RAB38: variants seen among roughly 807,000 people sequenced by gnomAD.
RAB38 encodes ras-related protein Rab-38.
Under a neutral mutation model 18.4 loss-of-function variants are expected in RAB38, and 15 were observed. The ratio of observed to expected loss-of-function variants is 0.82; its 90% CI spans 0.55 to 1.26. The LOEUF (loss-of-function observed/expected upper bound fraction) is 1.26. Ranked by LOEUF, RAB38 falls within the 50% of genes most tolerant of loss-of-function variation. The pLI is 0.00. For synonymous variants in RAB38, 101 were observed against 104.4 expected, an observed-to-expected ratio of 0.97 and a Z score of 0.20; for missense variants, 294 against 267.4, an observed-to-expected ratio of 1.10 and a Z score of -0.69.
At chr11:88,092,032 G>T in the RAB38 span, among the ~76,000 whole-genome samples, 1 of 151,800 alleles carries the variant, frequency 6.6e-6, no homozygotes, top group South Asian at 2.1e-4. Context: ...CCAAGTCATT[G>T]TCATGACATT....
At chr11:88,115,729 G>C (rs1942541977) in intron 2 of RAB38, 1 of 152,136 alleles carries the variant, frequency 6.6e-6, no homozygotes, top group Admixed American at 6.6e-5. Flanking sequence ...GCTATAAAAT[G>C]GTCTTGATGA....
At chr11:88,135,802 A>G (rs1942828763) in intron 2 of RAB38, among the ~76,000 whole-genome samples, 1 of 152,230 alleles carries the variant, frequency 6.6e-6, no homozygotes, top group South Asian at 2.1e-4. Flanking sequence ...TTACAACATA[A>G]TGTTTCAGAA....
At chr11:87,820,251 G>A in the RAB38 span, among the ~76,000 whole-genome samples, 1,210 of 152,290 alleles carry the variant, frequency 7.9e-3, 25 homozygotes, top group African/African-American at 0.027. Context: ...CAAGCCTGAT[G>A]TCTGCCAAAG....
Position 88,115,124 on chromosome 11 carries a change from T to C in RAB38, c.484-984A>G, listed in dbSNP as rs142495213. 7.8e-3 allele frequency among the ~76,000 whole-genome samples: 1,191 copies of C among 152,288 alleles called. 10 individuals carry two copies. The highest frequency in any genetic ancestry group is 0.018 in the South Asian group (88 of 4,828). ...TCAGAAACCTAAGACATATAGAAAA[T>C]ATACTACCAGTGTACTAAAATAAAT... On this transcript the variant is annotated intron_variant, in intron 2 of 2. Transcript: ENST00000243662.
chr11:87,855,017 G>A, the RAB38 span, among the ~76,000 whole-genome samples: 1 of 151,986 alleles, frequency 6.6e-6, no homozygotes, highest in African/African-American at 2.4e-5. Flanking sequence ...GGATGGTCTC[G>A]ATCTCCTGAC....
At chr11:88,127,936 G>A (rs1171098016) in intron 2 of RAB38, among the ~76,000 whole-genome samples, 2 of 152,218 alleles carry the variant, frequency 1.3e-5, no homozygotes, top group Admixed American at 6.5e-5. Flanking sequence ...CATTTGGAGT[G>A]TCTATCTTGA....
chr11:88,026,928 T>A, the RAB38 span, among the ~76,000 whole-genome samples: 1 of 152,306 alleles, frequency 6.6e-6, no homozygotes, highest in South Asian at 2.1e-4. Context: ...TGAGACATTT[T>A]ACATAATTGG....
chr11:87,964,689 G>C, the RAB38 span, among the ~76,000 whole-genome samples: 2 of 151,876 alleles, frequency 1.3e-5, no homozygotes. Flanking sequence ...TGGCCACTTG[G>C]TGGTATAAAA....
the RAB38 span, among the ~76,000 whole-genome samples, chr11:87,809,637 A>G: frequency 0.016 from 2,462 of 152,224 alleles, 68 homozygotes; most frequent in African/African-American, 0.057. Flanking sequence ...CAGTAGTTCT[A>G]TTTTTAAAAG....
intron 2 of RAB38, among the ~76,000 whole-genome samples, chr11:88,116,510 G>A (rs1043268253): frequency 6.6e-6 from 1 of 152,160 alleles, no homozygotes; most frequent in Non-Finnish European, 1.5e-5. Context: ...GGGTTAAAAG[G>A]CTTCCCCAGA....
the RAB38 span, among the ~76,000 whole-genome samples, chr11:87,977,596 T>C: frequency 1.2e-4 from 14 of 118,362 alleles, no homozygotes; most frequent in African/African-American, 3.7e-4. Flanking sequence ...ATAATAATTA[T>C]GTACTATACA....
the RAB38 span, among the ~76,000 whole-genome samples, chr11:88,104,436 T>C: frequency 6.6e-6 from 1 of 152,216 alleles, no homozygotes; most frequent in East Asian, 1.9e-4. Flanking sequence ...CAGATTGAAA[T>C]GTGTCATTTG....
the RAB38 span, among the ~76,000 whole-genome samples, chr11:88,024,904 G>C: frequency 2.9e-4 from 36 of 122,744 alleles, no homozygotes; most frequent in African/African-American, 9.1e-4. Flanking sequence ...ATGATTAATG[G>C]GCACAAAAAA....
At chr11:87,975,078 T>C in the RAB38 span, among the ~76,000 whole-genome samples, 59 of 151,990 alleles carry the variant, frequency 3.9e-4, no homozygotes, top group Middle Eastern at 3.4e-3. Context: ...CCTTAGCTTA[T>C]AGACACCTCA....
At chr11:88,171,185 A>G (rs1258141028) in intron 1 of RAB38, among the ~76,000 whole-genome samples, 3 of 152,218 alleles carry the variant, frequency 2.0e-5, no homozygotes, top group Admixed American at 6.5e-5. Flanking sequence ...TGCATAAATT[A>G]ACTCATTTAA....
the RAB38 span, among the ~76,000 whole-genome samples, chr11:88,093,719 A>G: frequency 6.6e-6 from 1 of 151,892 alleles, no homozygotes; most frequent in African/African-American, 2.4e-5. Flanking sequence ...CCAACTACTT[A>G]CAGTAAAAAG....
At chr11:88,125,261 C>T (rs558969967) in intron 2 of RAB38, among the ~76,000 whole-genome samples, 254 of 152,258 alleles carry the variant, frequency 1.7e-3, no homozygotes, top group Middle Eastern at 6.8e-3. Flanking sequence ...AATATGGCTA[C>T]AACTGAACTC....
chr11:88,154,885 C>G (rs1943106528), intron 1 of RAB38, among the ~76,000 whole-genome samples: 1 of 152,192 alleles, frequency 6.6e-6, no homozygotes, highest in South Asian at 2.1e-4. Flanking sequence ...AGGCAAATAT[C>G]CAGCCATTAG....
the RAB38 span, among the ~76,000 whole-genome samples, chr11:88,052,459 T>C: frequency 6.6e-6 from 1 of 152,116 alleles, no homozygotes; most frequent in African/African-American, 2.4e-5. Context: ...TTGAATCATA[T>C]AAAAACCACT....
Sources: allele counts gnomAD v4.1 joint callset (sites outside exome capture counted in the v4.1 genomes callset), GRCh38; gene constraint gnomAD v4.1.1; transcripts MANE v1.5; gene names NCBI Gene and HGNC (gene_info 2026-07-23, HGNC 2026-07-21).